The following TPD52L1 variants were observed in gnomAD, a reference collection of about 807,000 sequenced individuals.
The protein encoded by TPD52L1 is tumor protein D53.
TPD52L1 carries 18 observed loss-of-function variants against 28.7 expected under a neutral mutation model. That is an observed-to-expected ratio of 0.63 (90% CI 0.43 to 0.93). The LOEUF is 0.93. Among genes scored for constraint, TPD52L1 ranks in the 40% least tolerant of loss-of-function variants. The probability of loss-of-function intolerance (pLI) is 0.00; values close to 1 mark genes in which losing one functional copy is unlikely to be tolerated. For missense variants in TPD52L1, 203 were observed against 254.8 expected (o/e 0.80, Z 1.39); for synonymous variants, 75 against 88.8 (o/e 0.84, Z 0.88).
intron 1 of TPD52L1, among the ~76,000 whole-genome samples, chr6:125,158,930 C>CA (rs1375614905): frequency 2.0e-5 from 3 of 152,212 alleles, no homozygotes; most frequent in Non-Finnish European, 4.4e-5. Flanking sequence ...AGAAAAGGTA[C>CA]ATACCTTTAT....
At chr6:125,178,516 G>A (rs1436912887) in intron 1 of TPD52L1, among the ~76,000 whole-genome samples, 1 of 152,168 alleles carries the variant, frequency 6.6e-6, no homozygotes, top group African/African-American at 2.4e-5. Flanking sequence ...AGCTACTCAG[G>A]AGGCTGAGGC....
chr6:125,165,360 C>T (rs770736896), intron 1 of TPD52L1, among the ~76,000 whole-genome samples: 34 of 151,914 alleles, frequency 2.2e-4, no homozygotes, highest in Non-Finnish European at 3.4e-4. Context: ...TTTGAAATGG[C>T]TAAAAGGAAG....
intron 1 of TPD52L1, among the ~76,000 whole-genome samples, chr6:125,202,766 CTTTT>C (rs55761249): frequency 8.6e-6 from 1 of 116,448 alleles, no homozygotes. Context: ...GGAGGTTTAT[CTTTT>C]TTTTTTTTTT....
intron 3 of TPD52L1, among the ~76,000 whole-genome samples, chr6:125,238,625 G>A (rs1796425211): frequency 2.0e-5 from 3 of 151,976 alleles, no homozygotes; most frequent in Non-Finnish European, 4.4e-5. Context: ...CCATTCCTGA[G>A]TTACTTCGGT....
rs1287346068 is a variant in TPD52L1, at chr6:125,261,014, G to GA, written c.487-1817dup. The GA allele has an allele frequency of 7.0e-3, 301 of 43,052 alleles. 28 individuals carry two copies. Among genetic ancestry groups the GA allele is most frequent in the African/African-American group, 0.047 (292 of 6,242 alleles). The allele number at this position is 43,052 out of a possible 1,614,324, so 2.7% of individuals were successfully genotyped here. ...AGAAAGAAAGAAAGAAAGAAAGAAA[G>GA]AAAGAAAAGAAAAGAAAGAAAGAAA... On this transcript the variant is annotated intron_variant, in intron 6 of 6. Coordinates refer to ENST00000534000, the MANE Select transcript of TPD52L1 (RefSeq NM_003287.4).
chr6:125,174,314 C>A (rs1049542276), intron 1 of TPD52L1, among the ~76,000 whole-genome samples: 4 of 152,138 alleles, frequency 2.6e-5, no homozygotes, highest in African/African-American at 9.7e-5. Context: ...TTCGTTATAG[C>A]AGTTAGGTGT....
intron 1 of TPD52L1, among the ~76,000 whole-genome samples, chr6:125,200,013 G>A (rs888156803): frequency 6.6e-6 from 1 of 152,178 alleles, no homozygotes; most frequent in Admixed American, 6.5e-5. Context: ...GCTTTACTGT[G>A]CTAAACTTCT....
At chr6:125,183,701 T>C (rs1039681936) in intron 1 of TPD52L1, among the ~76,000 whole-genome samples, 2 of 151,988 alleles carry the variant, frequency 1.3e-5, no homozygotes, top group African/African-American at 4.8e-5. Flanking sequence ...CTGGAAAACA[T>C]AAAATCTGTG....
intron 1 of TPD52L1, among the ~76,000 whole-genome samples, chr6:125,213,158 G>C (rs988859295): frequency 3.3e-5 from 5 of 152,104 alleles, no homozygotes; most frequent in African/African-American, 1.2e-4. Context: ...TGAGCACCTA[G>C]GCTTTGAGTA....
At chr6:125,191,764 T>A (rs921747041) in intron 1 of TPD52L1, among the ~76,000 whole-genome samples, 5 of 152,180 alleles carry the variant, frequency 3.3e-5, no homozygotes, top group African/African-American at 4.8e-5. Flanking sequence ...CTATCCTCAG[T>A]GGCCTTCAGA....
rs1383661753 is a variant in TPD52L1 at position 125,178,656 on chromosome 6, A to AT, written c.19+24686_19+24687insT. ...AAAACAAAACAAAACAAAACAAAAC[A>AT]AAATATATATATATATATATTTGGG... On this transcript the variant is annotated intron_variant, in intron 1 of 6. Coordinates refer to ENST00000534000, the MANE Select transcript of TPD52L1 (RefSeq NM_003287.4). 7.3e-3 allele frequency among the ~76,000 whole-genome samples: 1,084 copies of AT among 149,390 alleles called. 14 individuals are homozygous for AT. The highest frequency in any genetic ancestry group is 0.026 in the African/African-American group (1,037 of 39,904).
chr6:125,223,480 G>C (rs1040580726), intron 2 of TPD52L1, among the ~76,000 whole-genome samples: 2 of 151,926 alleles, frequency 1.3e-5, no homozygotes, highest in African/African-American at 2.4e-5. Context: ...AGGCCGAGGT[G>C]GGGGGATCAC....
intron 5 of TPD52L1, among the ~76,000 whole-genome samples, chr6:125,256,006 A>G (rs1322512245): frequency 6.6e-6 from 1 of 152,190 alleles, no homozygotes; most frequent in Non-Finnish European, 1.5e-5. Flanking sequence ...TGCTTAAAGC[A>G]ACAAAATTAT....
intron 1 of TPD52L1, among the ~76,000 whole-genome samples, chr6:125,191,489 A>ATTGTGTTCT (rs1459148657): frequency 1.3e-5 from 2 of 152,308 alleles, no homozygotes; most frequent in East Asian, 3.9e-4. Context: ...AATTGGGTGA[A>ATTGTGTTCT]TTGTGTTCTT....
At chr6:125,195,219 G>A (rs913059970) in intron 1 of TPD52L1, among the ~76,000 whole-genome samples, 2 of 152,174 alleles carry the variant, frequency 1.3e-5, no homozygotes, top group Admixed American at 6.5e-5. Context: ...GGGTCATTAA[G>A]ATGGCAGCAG....
intron 3 of TPD52L1, among the ~76,000 whole-genome samples, chr6:125,243,370 G>T (rs560578184): frequency 6.6e-6 from 1 of 152,182 alleles, no homozygotes; most frequent in African/African-American, 2.4e-5. Flanking sequence ...GGCCAGGGAA[G>T]TTTTCCCCAA....
At chr6:125,224,051 A>C (rs994006384) in intron 2 of TPD52L1, among the ~76,000 whole-genome samples, 8 of 150,954 alleles carry the variant, frequency 5.3e-5, no homozygotes, top group African/African-American at 1.7e-4. Flanking sequence ...AAGTCTTTAC[A>C]CACCTGTTTT....
chr6:125,213,635 C>T lies in TPD52L1; in HGVS notation c.20-6443C>T, dbSNP rs542147642. Among the ~76,000 whole-genome samples, 4 of 152,220 alleles carry T rather than the reference C, an allele frequency of 2.6e-5. No individual in the cohort carries two copies. In the East Asian group the frequency reaches 7.8e-4, roughly 30 times the overall value. The stretch of plus-strand genomic sequence containing the variant: ...AGTTGGTGAGTTTCTCCCTAAGAAC[C>T]ATGAGAAGTTCTGAATCCTATCCAT... On this transcript the variant is annotated intron_variant, in intron 1 of 6. Transcript: ENST00000534000.
intron 6 of TPD52L1, among the ~76,000 whole-genome samples, chr6:125,259,560 G>A (rs1430524860): frequency 6.6e-6 from 1 of 152,184 alleles, no homozygotes; most frequent in Non-Finnish European, 1.5e-5. Context: ...ACGAACTCCT[G>A]TGAAGCCACT....
Sources: allele counts gnomAD v4.1 joint callset (sites outside exome capture counted in the v4.1 genomes callset), GRCh38; gene constraint gnomAD v4.1.1; transcripts MANE v1.5; gene names NCBI Gene and HGNC (gene_info 2026-07-23, HGNC 2026-07-21).